Variants in OSBPL10 observed in about 807,000 individuals in gnomAD.
OSBPL10 encodes the protein oxysterol-binding protein-related protein 10.
In OSBPL10, 49 loss-of-function variants were observed where a neutral mutation model predicts 81.7. That is an observed-to-expected ratio of 0.60 (90% CI 0.48 to 0.76). The LOEUF is 0.76. Among genes scored for constraint, OSBPL10 ranks in the 30% least tolerant of loss-of-function variants. The pLI is 0.00. For missense variants in OSBPL10, 923 were observed against 987.8 expected (o/e 0.93, Z 0.88); for synonymous variants, 419 against 383.6 (o/e 1.09, Z -1.08).
At chr3:31,976,213 A>G (rs1307154358) in intron 1 of OSBPL10, among the ~76,000 whole-genome samples, 1 of 152,222 alleles carries the variant, frequency 6.6e-6, no homozygotes, top group Non-Finnish European at 1.5e-5. Context: ...GACAAATTGA[A>G]GATCTAATAA....
chr3:31,965,437 ATATAT>A (rs1698302036), intron 1 of OSBPL10, among the ~76,000 whole-genome samples: 1 of 80,944 alleles, frequency 1.2e-5, no homozygotes, highest in Non-Finnish European at 1.9e-5. Context: ...ATAATATATA[ATATAT>A]ATTATATAAT....
chr3:31,736,111 A>G (rs12630825), intron 5 of OSBPL10, among the ~76,000 whole-genome samples: 62,526 of 151,652 alleles, frequency 0.41, 13,200 homozygotes, highest in East Asian at 0.64. Flanking sequence ...TGAGGGTTGG[A>G]GAGTGGATGG....
intron 8 of OSBPL10, among the ~76,000 whole-genome samples, chr3:31,673,791 C>T (rs1321136606): frequency 6.6e-6 from 1 of 152,012 alleles, no homozygotes; most frequent in Non-Finnish European, 1.5e-5. Context: ...TGCCAGGCAG[C>T]GAGGCTCTTT....
In OSBPL10 at chr3:31,824,528, G is replaced by A. The variant is rs116790747; in HGVS notation, c.729+5512C>T. Among the ~76,000 whole-genome samples the A allele has an allele frequency of 5.5e-3, 841 of 152,254 alleles. 4 individuals carry two copies. The highest frequency in any genetic ancestry group is 0.018 in the African/African-American group (768 of 41,542). On this transcript the variant is annotated intron_variant, in intron 4 of 11. Coordinates refer to ENST00000396556, the MANE Select transcript of OSBPL10 (RefSeq NM_017784.5). ...TGGTTGCTACAAGAGCACTGGAAACGATCGCAAGGTTTGATATGTACAGTT... is the reference window on the plus strand; with the variant it reads ...TGGTTGCTACAAGAGCACTGGAAACAATCGCAAGGTTTGATATGTACAGTT...
chr3:31,693,367 G>A (rs187367464), intron 7 of OSBPL10, among the ~76,000 whole-genome samples: 19 of 152,346 alleles, frequency 1.2e-4, no homozygotes, highest in Non-Finnish European at 2.4e-4. Context: ...GTATGCCTAA[G>A]AAGATGTTCA....
intron 1 of OSBPL10, among the ~76,000 whole-genome samples, chr3:31,921,915 C>T (rs1696929270): frequency 6.6e-6 from 1 of 152,142 alleles, no homozygotes; most frequent in African/African-American, 2.4e-5. Context: ...TGCCACTTTC[C>T]CTCTGTGATC....
chr3:31,808,656 T>C (rs552199113), intron 4 of OSBPL10, among the ~76,000 whole-genome samples: 2 of 152,328 alleles, frequency 1.3e-5, no homozygotes, highest in African/African-American at 2.4e-5. Flanking sequence ...GAAAATAGAA[T>C]AATTAAAAGG....
intron 5 of OSBPL10, among the ~76,000 whole-genome samples, chr3:31,738,850 C>T (rs772068358): frequency 6.6e-6 from 1 of 151,824 alleles, no homozygotes; most frequent in Non-Finnish European, 1.5e-5. Context: ...AAATATTTAC[C>T]AATGTATGAA....
rs1700728359 is a variant in OSBPL10, at chr3:31,684,015, C to T, written c.1345G>A (p.Ala449Thr). ...CAAATGACTCTCTCCTCTGGTGTGGCCCCAGCGGTGATGGCCAGCAGTAGG... is the reference window on the plus strand; with the variant it reads ...CAAATGACTCTCTCCTCTGGTGTGGTCCCAGCGGTGATGGCCAGCAGTAGG... Reference protein sequence around the residue: ...PDLLLAITAGATPEERVICFV... With the variant: ...PDLLLAITAGTTPEERVICFV... Residue 449 changes from alanine to threonine, a missense_variant, in exon 8 of 12, where the codon GCC becomes ACC. Physicochemically the swap from Ala to Thr is moderately conservative, Grantham distance 58. Transcript: ENST00000396556. 4 of 1,614,208 alleles carry T rather than the reference C, an allele frequency of 2.5e-6. No individual in the cohort carries two copies. Among genetic ancestry groups the T allele is most frequent in the Non-Finnish European group, 3.4e-6 (4 of 1,180,040 alleles).
upstream of OSBPL10, among the ~76,000 whole-genome samples, chr3:31,984,738 T>C (rs1698909931): frequency 6.6e-6 from 1 of 152,214 alleles, no homozygotes; most frequent in Non-Finnish European, 1.5e-5. Context: ...TAGTTTGGTG[T>C]TCAAACAAGG....
At chr3:32,025,890 GCA>G (rs377202727) in intron 2 of OSBPL10, among the ~76,000 whole-genome samples, 2 of 151,912 alleles carry the variant, frequency 1.3e-5, no homozygotes, top group Admixed American at 6.6e-5. Flanking sequence ...AGTATCCGCT[GCA>G]CACACACACA....
At chr3:31,816,601 T>C (rs1699839872) in intron 4 of OSBPL10, among the ~76,000 whole-genome samples, 1 of 152,228 alleles carries the variant, frequency 6.6e-6, no homozygotes, top group African/African-American at 2.4e-5. Context: ...CAGTAGCTCA[T>C]GCTGTTAGTG....
chr3:32,016,479 G>T (rs1462308395), intron 2 of OSBPL10, among the ~76,000 whole-genome samples: 1 of 152,056 alleles, frequency 6.6e-6, no homozygotes, highest in Non-Finnish European at 1.5e-5. Flanking sequence ...ATAGCGTTAG[G>T]AGATATACCT....
Position 31,789,607 on chromosome 3 carries a change from G to C in OSBPL10, c.729+40433C>G, listed in dbSNP as rs773528554. ...GAGCCGGGAGCACTGCCAGGCAGGG[G>C]CACTGCCTCAAGAAAGATACCGTGA... On this transcript the variant is annotated intron_variant, in intron 4 of 11. Coordinates refer to ENST00000396556, the MANE Select transcript of OSBPL10 (RefSeq NM_017784.5). Among the ~76,000 whole-genome samples, 17 of 152,314 alleles carry C rather than the reference G, an allele frequency of 1.1e-4. 1 individual carries two copies. The South Asian group carries it at 3.5e-3, about 32-fold the overall frequency.
chr3:32,042,683 C>T (rs1230741228), intron 2 of OSBPL10, among the ~76,000 whole-genome samples: 9 of 152,054 alleles, frequency 5.9e-5, no homozygotes, highest in Non-Finnish European at 1.3e-4. Context: ...CATCACATAT[C>T]GGTAGGACCG....
At chr3:31,815,041 C>T (rs11709839) in intron 4 of OSBPL10, among the ~76,000 whole-genome samples, 102,230 of 151,906 alleles carry the variant, frequency 0.67, 35,261 homozygotes, top group East Asian at 0.93. Flanking sequence ...GCTCTCTATC[C>T]CCGGAGCGCT....
intron 1 of OSBPL10, among the ~76,000 whole-genome samples, chr3:31,915,585 C>A (rs1696730585): frequency 6.6e-6 from 1 of 151,950 alleles, no homozygotes; most frequent in East Asian, 1.9e-4. Flanking sequence ...ATGGTGGCAA[C>A]AATAAAAACT....
At chr3:31,786,192 G>A (rs75758682) in intron 4 of OSBPL10, among the ~76,000 whole-genome samples, 347 of 152,238 alleles carry the variant, frequency 2.3e-3, no homozygotes, top group African/African-American at 7.7e-3. Context: ...CTTATAGAAC[G>A]GGGAAATTGG....
chr3:31,951,883 T>C (rs1697880328), intron 1 of OSBPL10, among the ~76,000 whole-genome samples: 1 of 152,188 alleles, frequency 6.6e-6, no homozygotes, highest in African/African-American at 2.4e-5. Flanking sequence ...AACACCGTGC[T>C]ATACTCTTAA....
Sources: allele counts gnomAD v4.1 joint callset (sites outside exome capture counted in the v4.1 genomes callset), GRCh38; gene constraint gnomAD v4.1.1; transcripts MANE v1.5; gene names NCBI Gene and HGNC (gene_info 2026-07-23, HGNC 2026-07-21).